Variants in TMEM41B observed in about 807,000 individuals in gnomAD.
The protein encoded by TMEM41B is protein stasimon.
Under a neutral mutation model 31.9 loss-of-function variants are expected in TMEM41B, and 18 were observed. The observed-to-expected ratio is 0.56, with a 90% CI of 0.39 to 0.84. The LOEUF is 0.84. TMEM41B is among the 40% of genes least tolerant of loss of function. The pLI is 0.00. For missense variants in TMEM41B, 322 were observed against 348.0 expected (o/e 0.93, Z 0.59); for synonymous variants, 144 against 124.3 (o/e 1.16, Z -1.05).
chr11:9,308,606 A>G (rs1359005416), intron 1 of TMEM41B, among the ~76,000 whole-genome samples: 1 of 152,114 alleles, frequency 6.6e-6, no homozygotes, highest in South Asian at 2.1e-4. Context: ...CTTCCTTCCT[A>G]CATCACAATG....
intron 1 of TMEM41B, among the ~76,000 whole-genome samples, chr11:9,305,899 TAC>T (rs1853378760): frequency 6.6e-6 from 1 of 151,998 alleles, no homozygotes. Flanking sequence ...ATTTATAGTA[TAC>T]ACATTTATAA....
At chr11:9,290,197 G>A (rs1036096323) in intron 3 of TMEM41B, among the ~76,000 whole-genome samples, 2 of 152,044 alleles carry the variant, frequency 1.3e-5, no homozygotes, top group Non-Finnish European at 2.9e-5. Context: ...TGGCCAACAT[G>A]GTGAAACCGT....
chr11:9,291,391 T>A (rs1469644082), intron 3 of TMEM41B, among the ~76,000 whole-genome samples: 5 of 134,876 alleles, frequency 3.7e-5, no homozygotes, highest in Non-Finnish European at 7.9e-5. Context: ...TCAAAAAAAT[T>A]ATAATAATAA....
chr11:9,305,471 A>T (rs1853366225), intron 1 of TMEM41B, among the ~76,000 whole-genome samples: 1 of 152,042 alleles, frequency 6.6e-6, no homozygotes, highest in African/African-American at 2.4e-5. Flanking sequence ...GTGGTGGCAC[A>T]CCCCTGTAGT....
chr11:9,305,827 A>AT (rs994012882), intron 1 of TMEM41B, among the ~76,000 whole-genome samples: 18 of 150,622 alleles, frequency 1.2e-4, no homozygotes, highest in Admixed American at 3.3e-4. Context: ...ACCATTACTA[A>AT]TTTTTTTTTC....
Position 9,286,587 on chromosome 11 carries a change from G to A in TMEM41B, c.574C>T (p.Arg192Cys), listed in dbSNP as rs745480537. Reference sequence around the variant, plus strand: ...TAGTTAATGAGATGTTCTCTATGACGTTCAACCTGTCATAAGAAAGAAAAG... The same window carrying A: ...TAGTTAATGAGATGTTCTCTATGACATTCAACCTGTCATAAGAAAGAAAAG... ...KAVKWSQQVE[R>C]HREHLINYII... is the part of the protein sequence containing the mutation. Residue 192 changes from arginine to cysteine, a missense_variant, in exon 6 of 7, where the codon CGT (arginine) becomes TGT (cysteine). Transcript: ENST00000528080. The A allele has an allele frequency of 1.4e-5, 23 of 1,596,664 alleles. No individual in the cohort carries two copies. The highest frequency in any genetic ancestry group is 9.1e-5 in the South Asian group (8 of 87,684).
chr11:9,303,047 C>T lies in TMEM41B; in HGVS notation c.122-3346G>A, dbSNP rs1025277997. On this transcript the variant is annotated intron_variant, in intron 1 of 6. Coordinates refer to ENST00000528080, the MANE Select transcript of TMEM41B (RefSeq NM_015012.4). ...GTTGTTGTTGTCTGAGAAGGAGTCT[C>T]GCTCTGTTGCCCAGGCTGGACTGCA... Among the ~76,000 whole-genome samples the T allele has an allele frequency of 5.8e-5, 3 of 52,158 alleles. 1 individual carries two copies. The highest frequency in any genetic ancestry group is 1.3e-4 in the Non-Finnish European group (3 of 23,996). The allele number at this position is 52,158 out of a possible 152,430, so 34.2% of individuals were successfully genotyped here.
At chr11:9,305,211 T>C (rs1296084875) in intron 1 of TMEM41B, among the ~76,000 whole-genome samples, 1 of 152,106 alleles carries the variant, frequency 6.6e-6, no homozygotes, top group Non-Finnish European at 1.5e-5. Context: ...AATATATATA[T>C]ATAAGTATTG....
intron 1 of TMEM41B, 69 bp downstream of exon 1, chr11:9,314,252 G>A: frequency 6.7e-7 from 1 of 1,497,472 alleles, no homozygotes; most frequent in Non-Finnish European, 8.9e-7. Context: ...GAATAGCGGG[G>A]GTCCTTTTCC....
Position 9,283,127 on chromosome 11 carries a change from G to T in TMEM41B, c.*297C>A, listed in dbSNP as rs1037058117. 10 of 194,456 alleles carry T rather than the reference G, an allele frequency of 5.1e-5. No homozygotes were observed. The East Asian group carries it at 1.1e-3, about 21-fold the overall frequency. 12.0% of individuals were successfully genotyped at this position (194,456 alleles called of 1,614,324 possible). A position where few individuals can be genotyped will look rare whatever the true frequency, so the allele number is the denominator to read the frequency against. On this transcript the variant is annotated 3_prime_UTR_variant, in exon 7 of 7. Coordinates refer to ENST00000528080, the MANE Select transcript of TMEM41B (RefSeq NM_015012.4). Reference sequence around the variant, plus strand: ...TCAATTAAATTGAATGAATTAGCTGGATCAACAATTTCCTACCACACTACT... The same window carrying T: ...TCAATTAAATTGAATGAATTAGCTGTATCAACAATTTCCTACCACACTACT...
intron 4 of TMEM41B, 59 bp from the exon 5 acceptor site, chr11:9,287,865 T>A: frequency 8.3e-7 from 1 of 1,208,996 alleles, no homozygotes; most frequent in Non-Finnish European, 1.2e-6. Context: ...CACATTGATT[T>A]ATTCACCTGA....
chr11:9,308,026 G>A (rs879688210), intron 1 of TMEM41B, among the ~76,000 whole-genome samples: 1 of 150,490 alleles, frequency 6.6e-6, no homozygotes, highest in Non-Finnish European at 1.5e-5. Flanking sequence ...GTGAGCCACC[G>A]CGCCCAGCCT....
At chr11:9,296,964 G>C (rs1001257735) in intron 2 of TMEM41B, among the ~76,000 whole-genome samples, 1 of 152,104 alleles carries the variant, frequency 6.6e-6, no homozygotes, top group Non-Finnish European at 1.5e-5. Flanking sequence ...TGTCACCCAG[G>C]CTGGATGGAG....
chr11:9,310,691 A>T (rs563129406), intron 1 of TMEM41B, among the ~76,000 whole-genome samples: 17 of 146,220 alleles, frequency 1.2e-4, no homozygotes, highest in African/African-American at 4.3e-4. Context: ...ACCAGGAGAA[A>T]TAACTTTATT....
Position 9,299,800 on chromosome 11 carries a change from T to G in TMEM41B, c.122-99A>C, listed in dbSNP as rs929616970. The G allele has an allele frequency of 4.4e-6, 4 of 907,744 alleles. No individual in the cohort carries two copies. The African/African-American group carries it at 5.1e-5, about 12-fold the overall frequency. The allele number at this position is 907,744 out of a possible 1,614,324, so 56.2% of individuals were successfully genotyped here. ...TTTCCTTCCAGAAAATGGCGTGTGC[T>G]TTTGCCTAAAATGATGTGACATTAA... On this transcript the variant is annotated intron_variant, in intron 1 of 6. Coordinates refer to ENST00000528080, the MANE Select transcript of TMEM41B (RefSeq NM_015012.4).
chr11:9,287,656 C>T (rs371135635), intron 5 of TMEM41B, 46 bp downstream of exon 5: 1 of 1,373,526 alleles, frequency 7.3e-7, no homozygotes, highest in Non-Finnish European at 1.0e-6. Flanking sequence ...ACAGACCTTC[C>T]AATTAACAAA....
At chr11:9,286,427 CAT>C in intron 6 of TMEM41B, 26 bp downstream of exon 6, 1 of 1,596,460 alleles carries the variant, frequency 6.3e-7, no homozygotes, top group Non-Finnish European at 8.5e-7. Context: ...ACAGTGAGCT[CAT>C]ACACAGCAAG....
At chr11:9,310,002 CT>C (rs1853516400) in intron 1 of TMEM41B, among the ~76,000 whole-genome samples, 1 of 151,040 alleles carries the variant, frequency 6.6e-6, no homozygotes, top group Non-Finnish European at 1.5e-5. Context: ...GTTTTTCAAT[CT>C]TTTTTGATTG....
intron 1 of TMEM41B, among the ~76,000 whole-genome samples, chr11:9,310,012 T>C (rs1377344868): frequency 6.6e-6 from 1 of 151,782 alleles, no homozygotes; most frequent in African/African-American, 2.4e-5. Context: ...CTTTTTTGAT[T>C]GTGTTCCAAG....
Sources: gnomAD v4.1 joint callset for allele counts (sites outside exome capture counted in the v4.1 genomes callset) on GRCh38, gnomAD v4.1.1 for gene constraint, MANE v1.5 for transcripts, NCBI Gene and HGNC (gene_info 2026-07-23, HGNC 2026-07-21) for gene names.